ZC3H4: variants seen among roughly 807,000 people sequenced by gnomAD.
ZC3H4 encodes the protein zinc finger CCCH domain-containing protein 4.
ZC3H4 carries 13 observed loss-of-function variants against 108.3 expected under a neutral mutation model. The observed-to-expected ratio is 0.12, with a 90% CI of 0.08 to 0.19. The LOEUF is 0.19. Among genes scored for constraint, ZC3H4 ranks in the 10% least tolerant of loss-of-function variants. The probability of loss-of-function intolerance (pLI) is 1.00; values close to 1 mark genes in which losing one functional copy is unlikely to be tolerated. For synonymous variants in ZC3H4, 917 were observed against 749.6 expected (o/e 1.22, Z -3.65); for missense variants, 1,734 against 1,838.8 (o/e 0.94, Z 1.04).
At chr19:47,076,255 G>A (rs779361019) in intron 11 of ZC3H4, among the ~76,000 whole-genome samples, 9 of 152,178 alleles carry the variant, frequency 5.9e-5, no homozygotes, top group Admixed American at 3.9e-4. Flanking sequence ...TTGCAACAAC[G>A]GGTGAACCTC....
rs1280864644 is a variant in ZC3H4, at chr19:47,089,997, G to A, written c.685C>T (p.Arg229Cys). 8 of 1,614,058 alleles carry A rather than the reference G, an allele frequency of 5.0e-6. No individual in the cohort carries two copies. The highest frequency in any genetic ancestry group is 1.7e-5 in the Admixed American group (1 of 60,010). Residue 229 changes from arginine to cysteine, a missense_variant, in exon 5 of 15, where the codon CGT becomes TGT. By Grantham distance (180) the Arg-to-Cys change is radical. Transcript: ENST00000253048. ...DFTKELNQYR[R>C]AKEGSSRGRG... ...CCGCGGCTGCTGCCCTCCTTGGCAC[G>A]CCGGTACTGGTTCAGCTCTTTGGTG...
At chr19:47,090,858 A>G (rs1183496474) in intron 4 of ZC3H4, among the ~76,000 whole-genome samples, 1 of 152,190 alleles carries the variant, frequency 6.6e-6, no homozygotes, top group Non-Finnish European at 1.5e-5. Flanking sequence ...TTACCACAAC[A>G]ATGCAAGACA....
rs188816372 is a variant in ZC3H4, at chr19:47,111,498, C to A, written c.161+926G>T. 2.6e-3 allele frequency among the ~76,000 whole-genome samples: 401 copies of A among 152,250 alleles called. 1 individual carries two copies. Among genetic ancestry groups the A allele is most frequent in the Middle Eastern group, 0.02 (6 of 294 alleles). On this transcript the variant is annotated intron_variant, in intron 2 of 14. Transcript: ENST00000253048. ...GAGGGGGGAACCCCAGGAGAAAGCGCGGGACCAACTTCCTCTCCCTACAAG... is the reference window on the plus strand; with the variant it reads ...GAGGGGGGAACCCCAGGAGAAAGCGAGGGACCAACTTCCTCTCCCTACAAG...
rs576568729 is a variant in ZC3H4, at chr19:47,091,447, G to A, written c.493-1258C>T. ...GAATTAGCCGGGCATGGTGATGGGC[G>A]CCTCTAATCCCAGCTACTCGGGAGA... On this transcript the variant is annotated intron_variant, in intron 4 of 14. Transcript: ENST00000253048. Among the ~76,000 whole-genome samples the A allele has an allele frequency of 1.3e-4, 19 of 151,748 alleles. No homozygotes were observed. The South Asian group carries it at 1.5e-3, about 12-fold the overall frequency.
rs777593761 is a variant in ZC3H4 at position 47,066,905 on chromosome 19, G to A, written c.3363C>T (p.Tyr1121=). The A allele has an allele frequency of 4.9e-5, 79 of 1,596,750 alleles. No homozygotes were observed. The highest frequency in any genetic ancestry group is 1.7e-4 in the Middle Eastern group (1 of 6,048). ...CACCGGCCGCCAGCACGCGGGGGTC[G>A]TAGGGAGCGGTGGCTGGTGGGGAGG... ...GDASPPATAP[Y]DPRVLAAGGL... is the part of the protein sequence containing the mutation. The change falls in exon 15 of 15, where the codon TAC becomes TAT. Residue 1121 remains tyrosine, a synonymous_variant. Transcript: ENST00000253048.
rs201549271 is a variant in ZC3H4, at chr19:47,066,435, C to A, written c.3833G>T (p.Arg1278Leu). The change falls in exon 15 of 15, where the codon CGC becomes CTC. Residue 1278 changes from arginine to leucine, a missense_variant. By Grantham distance (102) the Arg-to-Leu change is moderately radical. This residue lies in a region of ZC3H4 where 518 missense variants were observed against 499.6 expected (regional missense o/e 1.04). Transcript: ENST00000253048. ...GSPFAGNSPA[R>L]EGEQDAASLK... ...GGATGCCGCATCCTGCTCACCCTCG[C>A]GGGCCGGACTGTTCCCAGCAAATGG... 5.7e-6 allele frequency: 9 copies of A among 1,571,378 alleles called. No homozygotes were observed. Among genetic ancestry groups the A allele is most frequent in the South Asian group, 1.2e-5 (1 of 83,922 alleles).
intron 2 of ZC3H4, among the ~76,000 whole-genome samples, chr19:47,106,855 A>T (rs2057974418): frequency 6.6e-6 from 1 of 152,204 alleles, no homozygotes; most frequent in African/African-American, 2.4e-5. Context: ...GCCAGATCCC[A>T]AAGGAGTGAA....
At chr19:47,077,682 C>G (rs1404657573) in intron 11 of ZC3H4, among the ~76,000 whole-genome samples, 3 of 151,872 alleles carry the variant, frequency 2.0e-5, no homozygotes, top group Non-Finnish European at 4.4e-5. Context: ...GTGGAGAAAC[C>G]CCGTCCCTAC....
In ZC3H4 at chr19:47,085,380, T is replaced by C; in HGVS notation, c.905A>G (p.Asp302Gly). ...GESEEPMGDD[D>G]YDEYSKELNQ... ...CAGCTCCTTGGAGTACTCGTCATAG[T>C]CGTCGTCTCCCATTGGCTCCTCACT... is the stretch of plus-strand genomic sequence containing the variant. The change falls in exon 7 of 15, where the codon GAC becomes GGC. Residue 302 changes from aspartate (D) to glycine (G), a missense_variant. Physicochemically the swap from Asp to Gly is moderately conservative, Grantham distance 94. Coordinates refer to ENST00000253048, the MANE Select transcript of ZC3H4 (RefSeq NM_015168.2). 1 of 1,601,490 alleles carries C rather than the reference T, an allele frequency of 6.2e-7. No individual in the cohort carries two copies. The highest frequency in any genetic ancestry group is 8.5e-7 in the Non-Finnish European group (1 of 1,174,052).
chr19:47,072,441 C>A lies in ZC3H4; in HGVS notation c.1713G>T (p.Gln571His). Residue 571 changes from glutamine to histidine, a missense_variant, in exon 12 of 15, where the codon CAG becomes CAT. Physicochemically the swap from Gln to His is conservative, Grantham distance 24. Coordinates refer to ENST00000253048, the MANE Select transcript of ZC3H4 (RefSeq NM_015168.2). This position sits in a 1 kb window ranked among gnomAD's most constrained non-coding sequence, Gnocchi z 5.6. ...TCTTCTTGTTGTACATGTCCTGCTG[C>A]TGCAGCTGCTGCGGGGACAGTGGCT... ...VHEPLSPQQL[Q>H]QQDMYNKKIP... 6.2e-7 allele frequency: 1 copy of A among 1,608,818 alleles called. No homozygotes were observed. The highest frequency in any genetic ancestry group is 1.1e-5 in the South Asian group (1 of 90,632).
rs1202554104 is a variant in ZC3H4 at position 47,067,267 on chromosome 19, C to A, written c.3001G>T (p.Ala1001Ser). 3 of 1,589,568 alleles carry A rather than the reference C, an allele frequency of 1.9e-6. No homozygotes were observed. Among genetic ancestry groups the A allele is most frequent in the Non-Finnish European group, 1.7e-6 (2 of 1,167,836 alleles). The change falls in exon 15 of 15, where the codon GCC becomes TCC. Residue 1001 changes from alanine to serine, a missense_variant. Physicochemically the swap from Ala to Ser is moderately conservative, Grantham distance 99. Transcript: ENST00000253048. The surrounding 1 kb of genome is among the most constrained non-coding windows in gnomAD (Gnocchi z 6.4). ...KQDAVPPVPA[A>S]LQSMPTLDPR... ...TCCAGGGTGGGCATGGATTGCAGGG[C>A]CGCGGGCACGGGGGGCACTGCGTCC... is the stretch of plus-strand genomic sequence containing the variant.
chr19:47,070,523 G>A (rs944097850), intron 13 of ZC3H4, among the ~76,000 whole-genome samples: 6 of 152,154 alleles, frequency 3.9e-5, no homozygotes, highest in Non-Finnish European at 7.4e-5. Flanking sequence ...CTGGTGCCCC[G>A]CCAGCAGAGC....
chr19:47,112,474 G>A lies in ZC3H4; in HGVS notation c.111C>T (p.Arg37=), dbSNP rs1198228577. 2.5e-6 allele frequency: 3 copies of A among 1,198,892 alleles called. No homozygotes were observed. The highest frequency in any genetic ancestry group is 3.1e-5 in the African/African-American group (2 of 63,666). The allele number at this position is 1,198,892 out of a possible 1,614,324, so 74.3% of individuals were successfully genotyped here. The change falls in exon 2 of 15, where the codon CGC becomes CGT. Residue 37 remains arginine (R), a synonymous_variant. Transcript: ENST00000253048. ...GGTGGAGGAGGTGCGGGGTGGCCGG[G>A]CGGGCGTCGGGGGAACACGGAGGAG... ...PSPPPCSPDA[R]PATPHLLHHR...
intron 11 of ZC3H4, among the ~76,000 whole-genome samples, chr19:47,074,297 C>G (rs1017938243): frequency 7.9e-5 from 12 of 152,196 alleles, no homozygotes; most frequent in African/African-American, 2.7e-4. Context: ...TCGGATTATT[C>G]AGTCATTCCC....
At chr19:47,101,190 C>T (rs551479743) in intron 2 of ZC3H4, among the ~76,000 whole-genome samples, 2 of 151,252 alleles carry the variant, frequency 1.3e-5, no homozygotes, top group African/African-American at 4.8e-5. Context: ...AAATACAAAA[C>T]TTAGCCTGGC....
At chr19:47,103,692 C>A (rs2057931717) in intron 2 of ZC3H4, among the ~76,000 whole-genome samples, 2 of 146,404 alleles carry the variant, frequency 1.4e-5, no homozygotes, top group African/African-American at 2.5e-5. Context: ...TTTGGGAGGA[C>A]GAGGCGGGCG....
chr19:47,081,206 G>T (rs2057516014), intron 11 of ZC3H4, among the ~76,000 whole-genome samples: 1 of 152,188 alleles, frequency 6.6e-6, no homozygotes, highest in Non-Finnish European at 1.5e-5. Flanking sequence ...TGTATTGTGA[G>T]CTCTCTCTAA....
At chr19:47,085,021 G>C (rs2057591613) in intron 8 of ZC3H4, 35 bp downstream of exon 8, 1 of 1,611,694 alleles carries the variant, frequency 6.2e-7, no homozygotes, top group Middle Eastern at 1.7e-4. Flanking sequence ...AAGGGACCTT[G>C]GCCCAAACAT....
intron 1 of ZC3H4, among the ~76,000 whole-genome samples, chr19:47,112,951 G>A (rs1600126833): frequency 6.6e-6 from 1 of 152,196 alleles, no homozygotes; most frequent in Non-Finnish European, 1.5e-5. Flanking sequence ...GAAGGGTAAG[G>A]GGAGAAGAGG....
Sources: gnomAD v4.1 joint callset for allele counts (sites outside exome capture counted in the v4.1 genomes callset) on GRCh38, gnomAD v4.1.1 for gene constraint, gnomAD v4.1.1 regional missense constraint, Gnocchi (gnomAD v3.1) non-coding constraint, MANE v1.5 for transcripts, NCBI Gene and HGNC (gene_info 2026-07-23, HGNC 2026-07-21) for gene names.